Variants in WWOX observed in about 807,000 individuals in gnomAD.
WWOX encodes WW domain containing oxidoreductase.
Under a neutral mutation model 46.2 loss-of-function variants are expected in WWOX, and 69 were observed. That is an observed-to-expected ratio of 1.49 (90% CI 1.23 to 1.82). WWOX has a LOEUF of 1.82. WWOX is among the 40% of genes most tolerant of loss of function. The probability of loss-of-function intolerance (pLI) is 0.00; values close to 1 mark genes in which losing one functional copy is unlikely to be tolerated. For missense variants in WWOX, 919 were observed against 542.6 expected (o/e 1.69, Z -6.89); for synonymous variants, 359 against 202.6 (o/e 1.77, Z -6.56).
At chr16:78,539,459 C>T (rs761692885) in intron 8 of WWOX, among the ~76,000 whole-genome samples, 2 of 152,204 alleles carry the variant, frequency 1.3e-5, no homozygotes, top group Non-Finnish European at 2.9e-5. Context: ...GTGCATTTCT[C>T]TTCCAGTAAG....
chr16:78,350,187 C>A (rs1171335066), intron 5 of WWOX, among the ~76,000 whole-genome samples: 1 of 120,936 alleles, frequency 8.3e-6, no homozygotes, highest in African/African-American at 2.8e-5. Context: ...CCAATAGTTG[C>A]CTGATATGTC....
intron 8 of WWOX, among the ~76,000 whole-genome samples, chr16:78,956,508 C>T (rs2046169771): frequency 6.6e-6 from 1 of 152,062 alleles, no homozygotes; most frequent in Non-Finnish European, 1.5e-5. Context: ...CACCTAAAGT[C>T]TATAGGTTCA....
At chr16:78,490,222 T>C (rs781257025) in intron 8 of WWOX, among the ~76,000 whole-genome samples, 28 of 141,082 alleles carry the variant, frequency 2.0e-4, no homozygotes, top group Admixed American at 5.7e-4. Flanking sequence ...AATAGCTGGG[T>C]GATAATATAT....
At chr16:78,740,147 G>T (rs959266938) in intron 8 of WWOX, among the ~76,000 whole-genome samples, 6 of 152,032 alleles carry the variant, frequency 3.9e-5, no homozygotes, top group Non-Finnish European at 5.9e-5. Flanking sequence ...GAAAATAATT[G>T]CATCTCCTGA....
chr16:78,726,975 A>G (rs989767469), intron 8 of WWOX, among the ~76,000 whole-genome samples: 2 of 152,162 alleles, frequency 1.3e-5, no homozygotes, highest in African/African-American at 4.8e-5. Flanking sequence ...GGTCATCCCA[A>G]TGTGCTTTTC....
At chr16:78,933,849 G>A (rs548421918) in intron 8 of WWOX, among the ~76,000 whole-genome samples, 2 of 152,198 alleles carry the variant, frequency 1.3e-5, no homozygotes, top group Admixed American at 1.3e-4. Context: ...GGAGTTACAA[G>A]TTGCAATTCA....
chr16:78,445,526 C>A (rs940741446), intron 8 of WWOX, among the ~76,000 whole-genome samples: 11 of 152,078 alleles, frequency 7.2e-5, no homozygotes, highest in African/African-American at 2.7e-4. Flanking sequence ...CGACTTCAGC[C>A]CAGGAAGGAG....
intron 5 of WWOX, among the ~76,000 whole-genome samples, chr16:78,325,939 T>G (rs1208925242): frequency 6.6e-6 from 1 of 152,256 alleles, no homozygotes. Context: ...CTGTGCCTGG[T>G]GCTCAGCACA....
At chr16:78,367,483 T>G (rs1420441838) in intron 5 of WWOX, among the ~76,000 whole-genome samples, 1 of 152,160 alleles carries the variant, frequency 6.6e-6, no homozygotes, top group Non-Finnish European at 1.5e-5. Context: ...CCAAGATAAT[T>G]CTTTGTCCAG....
chr16:79,151,320 G>A (rs897039295), intron 8 of WWOX, among the ~76,000 whole-genome samples: 1 of 152,178 alleles, frequency 6.6e-6, no homozygotes, highest in Admixed American at 6.5e-5. Context: ...TGCTCCTGGA[G>A]GTCACTAACA....
At chr16:78,487,507 G>A (rs1296510346) in intron 8 of WWOX, among the ~76,000 whole-genome samples, 2 of 152,150 alleles carry the variant, frequency 1.3e-5, no homozygotes, top group Admixed American at 1.3e-4. Flanking sequence ...TTTGCGAGAG[G>A]CATGGCTCCC....
intron 8 of WWOX, among the ~76,000 whole-genome samples, chr16:78,859,050 G>GTA (rs1163926433): frequency 0.18 from 7,145 of 40,136 alleles, 378 homozygotes; most frequent in East Asian, 0.24. Flanking sequence ...ATATATATAT[G>GTA]TATATATATA....
At chr16:79,134,365 A>G (rs766802366) in intron 8 of WWOX, among the ~76,000 whole-genome samples, 4 of 152,088 alleles carry the variant, frequency 2.6e-5, no homozygotes, top group Admixed American at 6.5e-5. Flanking sequence ...AGTACACTGT[A>G]AGGTTGCAAC....
chr16:78,760,623 C>T (rs982553270), intron 8 of WWOX, among the ~76,000 whole-genome samples: 1 of 152,084 alleles, frequency 6.6e-6, no homozygotes, highest in South Asian at 2.1e-4. Context: ...AGGTACTTGC[C>T]CTTGTCTTTG....
At position 78,861,985 on chromosome 16, in the gene WWOX, A is replaced by G. The variant is rs1251651354; in HGVS notation, c.1057-349623A>G. On this transcript the variant is annotated intron_variant, in intron 8 of 8. Transcript: ENST00000566780. The stretch of plus-strand genomic sequence containing the variant: ...GTAGTAGGAGTCTCTGGAGAAATTG[A>G]ACTAATACTATATGTGTGTGTGTAT... Among the ~76,000 whole-genome samples the G allele has an allele frequency of 8.5e-5, 13 of 152,278 alleles. No individual in the cohort carries two copies. In the South Asian group the frequency reaches 2.7e-3, roughly 32 times the overall value.
chr16:79,154,546 A>T (rs2050343732), intron 8 of WWOX, among the ~76,000 whole-genome samples: 1 of 151,540 alleles, frequency 6.6e-6, no homozygotes, highest in Admixed American at 6.6e-5. Flanking sequence ...GAAAGGATAT[A>T]GCCACTCTTT....
chr16:78,692,179 G>C (rs924004077), intron 8 of WWOX, among the ~76,000 whole-genome samples: 20 of 152,188 alleles, frequency 1.3e-4, no homozygotes, highest in African/African-American at 4.3e-4. Context: ...GTGTTAGGAA[G>C]GGAGTGTGGT....
At chr16:78,948,512 C>A (rs1233696042) in intron 8 of WWOX, among the ~76,000 whole-genome samples, 2 of 152,150 alleles carry the variant, frequency 1.3e-5, no homozygotes, top group African/African-American at 4.8e-5. Context: ...AGGCACCAGA[C>A]CCCAAGACAG....
intron 5 of WWOX, among the ~76,000 whole-genome samples, chr16:78,212,646 A>G (rs891662991): frequency 2.0e-5 from 3 of 152,206 alleles, no homozygotes; most frequent in Non-Finnish European, 4.4e-5. Flanking sequence ...GAAAGAGGGT[A>G]TGCAGCATAG....
Sources: gnomAD v4.1 joint callset for allele counts (sites outside exome capture counted in the v4.1 genomes callset) on GRCh38, gnomAD v4.1.1 for gene constraint, MANE v1.5 for transcripts, NCBI Gene and HGNC (gene_info 2026-07-23, HGNC 2026-07-21) for gene names.